OPCML: variants seen among roughly 807,000 people sequenced by gnomAD.
The protein encoded by OPCML is opioid-binding protein/cell adhesion molecule.
In OPCML, 13 loss-of-function variants were observed where a neutral mutation model predicts 37.8. That is an observed-to-expected ratio of 0.34 (90% CI 0.22 to 0.55). The LOEUF is 0.55. Among genes scored for constraint, OPCML ranks in the 20% least tolerant of loss-of-function variants. The pLI, the probability that OPCML is intolerant of heterozygous loss-of-function variation, is 0.91. For synonymous variants in OPCML, 176 were observed against 168.8 expected, an observed-to-expected ratio of 1.04 and a Z score of -0.33; for missense variants, 341 against 435.6, an observed-to-expected ratio of 0.78 and a Z score of 1.93.
At chr11:132,551,352 G>C (rs1242862652) in intron 3 of OPCML, among the ~76,000 whole-genome samples, 1 of 152,154 alleles carries the variant, frequency 6.6e-6, no homozygotes, top group Non-Finnish European at 1.5e-5. Flanking sequence ...TTCATGCCTG[G>C]GCATAGGCTG....
intron 1 of OPCML, among the ~76,000 whole-genome samples, chr11:133,309,400 T>C (rs942372771): frequency 1.3e-5 from 2 of 152,180 alleles, no homozygotes; most frequent in Non-Finnish European, 2.9e-5. Context: ...TTGTGGAATA[T>C]TGTACAAAGC....
intron 4 of OPCML, among the ~76,000 whole-genome samples, chr11:132,445,605 T>C (rs1405931527): frequency 2.0e-5 from 3 of 152,190 alleles, no homozygotes; most frequent in Admixed American, 6.5e-5. Flanking sequence ...CAAGGAGCAC[T>C]TTAAAAATAG....
chr11:132,435,112 A>G (rs1311667972), intron 7 of OPCML: 7 of 1,107,590 alleles, frequency 6.3e-6, no homozygotes, highest in African/African-American at 3.2e-5. Context: ...ACTCAAAGGC[A>G]TAGGCATTCA....
intron 1 of OPCML, among the ~76,000 whole-genome samples, chr11:132,950,173 G>A (rs182838878): frequency 1.1e-3 from 167 of 152,286 alleles, no homozygotes; most frequent in African/African-American, 4.0e-3. Context: ...GAAAAGAGAC[G>A]GGTTGTGATT....
intron 1 of OPCML, among the ~76,000 whole-genome samples, chr11:133,354,202 A>ATGG (rs1944209826): frequency 9.1e-5 from 1 of 10,968 alleles, no homozygotes; most frequent in Non-Finnish European, 1.7e-4. Flanking sequence ...CAACCGGTTG[A>ATGG]TGGTGGTGGT....
chr11:132,876,086 C>G (rs1314574310), intron 2 of OPCML, among the ~76,000 whole-genome samples: 1 of 152,134 alleles, frequency 6.6e-6, no homozygotes, highest in African/African-American at 2.4e-5. Context: ...TTTGCAGGTC[C>G]TGGGAGGGCA....
At chr11:133,394,785 T>C (rs184373485) in intron 1 of OPCML, among the ~76,000 whole-genome samples, 34 of 152,354 alleles carry the variant, frequency 2.2e-4, no homozygotes, top group Middle Eastern at 6.8e-3. Context: ...TGATGGACAC[T>C]TAGGTTGCTT....
At chr11:133,252,550 T>A (rs1382582033) in intron 1 of OPCML, among the ~76,000 whole-genome samples, 1 of 152,172 alleles carries the variant, frequency 6.6e-6, no homozygotes, top group Non-Finnish European at 1.5e-5. Context: ...TCTGATTAAC[T>A]CTCTTAGTTC....
At chr11:133,345,392 G>A (rs1288814354) in intron 1 of OPCML, among the ~76,000 whole-genome samples, 2 of 152,146 alleles carry the variant, frequency 1.3e-5, no homozygotes, top group African/African-American at 2.4e-5. Flanking sequence ...CATGCATCTC[G>A]AGGAATAAAC....
Position 133,279,087 on chromosome 11 carries a change from C to T in OPCML, c.61+253177G>A, listed in dbSNP as rs116748217. On this transcript the variant is annotated intron_variant, in intron 1 of 7. Transcript: ENST00000524381. ...TCCAGACCTTGCCACTAGTAGTCCA[C>T]GGCTAATAGGAAGAACTGACAATAG... Among the ~76,000 whole-genome samples, 1,428 of 152,246 alleles carry T rather than the reference C, an allele frequency of 9.4e-3. 25 individuals carry two copies. The highest frequency in any genetic ancestry group is 0.032 in the African/African-American group (1,344 of 41,538).
At chr11:133,419,274 T>C (rs1945833193) in intron 1 of OPCML, 2 of 985,350 alleles carry the variant, frequency 2.0e-6, no homozygotes, top group East Asian at 1.1e-4. Flanking sequence ...TTTGAACATG[T>C]GGAATTTGTG....
At chr11:132,722,878 T>C (rs191014750) in intron 2 of OPCML, among the ~76,000 whole-genome samples, 332 of 152,320 alleles carry the variant, frequency 2.2e-3, no homozygotes, top group Non-Finnish European at 4.1e-3. Flanking sequence ...TTATATGCTT[T>C]ATCTTTATTC....
chr11:133,270,801 C>T (rs1941806450), intron 1 of OPCML, among the ~76,000 whole-genome samples: 2 of 152,070 alleles, frequency 1.3e-5, no homozygotes, highest in Admixed American at 6.6e-5. Flanking sequence ...AGTCCAGAAT[C>T]GTAGGTATGA....
At chr11:132,891,911 G>A (rs139273136) in intron 2 of OPCML, among the ~76,000 whole-genome samples, 25 of 152,044 alleles carry the variant, frequency 1.6e-4, no homozygotes, top group Admixed American at 2.0e-4. Context: ...CCCTGCTGCC[G>A]TGAATTGTGT....
intron 1 of OPCML, among the ~76,000 whole-genome samples, chr11:133,147,905 G>A (rs76318397): frequency 9.5e-4 from 144 of 152,190 alleles, no homozygotes; most frequent in East Asian, 4.4e-3. Context: ...AAATTGCCCC[G>A]TTTACTGCCC....
chr11:132,818,619 T>TGAC (rs1565886155), intron 2 of OPCML, among the ~76,000 whole-genome samples: 1 of 122,166 alleles, frequency 8.2e-6, no homozygotes, highest in Non-Finnish European at 1.8e-5. Context: ...GATAGATAGA[T>TGAC]AGATAAACAC....
chr11:132,938,767 G>A (rs1945477662), intron 2 of OPCML, among the ~76,000 whole-genome samples: 1 of 152,176 alleles, frequency 6.6e-6, no homozygotes. Context: ...CACCCATGGG[G>A]AAGATGCTTC....
intron 1 of OPCML, among the ~76,000 whole-genome samples, chr11:132,999,216 C>T (rs1946945750): frequency 6.6e-6 from 1 of 152,174 alleles, no homozygotes; most frequent in Non-Finnish European, 1.5e-5. Flanking sequence ...GAATTCGTGT[C>T]TCTAAACCTA....
At chr11:132,788,148 G>A (rs908689068) in intron 2 of OPCML, among the ~76,000 whole-genome samples, 5 of 152,106 alleles carry the variant, frequency 3.3e-5, no homozygotes, top group African/African-American at 1.2e-4. Flanking sequence ...CAAAGTGCTG[G>A]GATTGCAGGC....
Sources: gnomAD v4.1 joint callset for allele counts (sites outside exome capture counted in the v4.1 genomes callset) on GRCh38, gnomAD v4.1.1 for gene constraint, MANE v1.5 for transcripts, NCBI Gene and HGNC (gene_info 2026-07-23, HGNC 2026-07-21) for gene names.